RAB27A: variants seen among roughly 807,000 people sequenced by gnomAD.
RAB27A encodes the protein ras-related protein Rab-27A.
A neutral mutation model predicts 20.8 loss-of-function variants in RAB27A; 17 were observed. The observed-to-expected ratio is 0.82, with a 90% CI of 0.56 to 1.23. The LOEUF (loss-of-function observed/expected upper bound fraction) is 1.23, where lower values mean the gene tolerates loss of function less well. RAB27A is among the 50% of genes most tolerant of loss of function. The pLI is 0.00. For missense variants in RAB27A, 277 were observed against 266.7 expected (o/e 1.04, Z -0.27); for synonymous variants, 85 against 92.8 (o/e 0.92, Z 0.48).
intron 6 of RAB27A, among the ~76,000 whole-genome samples, chr15:55,214,598 G>A (rs1043614254): frequency 6.6e-6 from 1 of 152,104 alleles, no homozygotes; most frequent in Non-Finnish European, 1.5e-5. Flanking sequence ...ATCTTAATCA[G>A]AAAAAAGTTT....
At chr15:55,282,217 A>C (rs556595344) in intron 1 of RAB27A, among the ~76,000 whole-genome samples, 1 of 152,364 alleles carries the variant, frequency 6.6e-6, no homozygotes, top group Admixed American at 6.5e-5. Context: ...GATTGTCCAC[A>C]GTACAACTGG....
At chr15:55,293,353 C>T (rs2054933026), upstream of RAB27A, among the ~76,000 whole-genome samples, 1 of 151,546 alleles carries the variant, frequency 6.6e-6, no homozygotes, top group African/African-American at 2.4e-5. Flanking sequence ...GAACCAATTA[C>T]ATAATATTAT....
intron 2 of RAB27A, among the ~76,000 whole-genome samples, chr15:55,253,309 C>T (rs1354257808): frequency 6.7e-6 from 1 of 149,892 alleles, no homozygotes; most frequent in Non-Finnish European, 1.5e-5. Flanking sequence ...TAGCCGGGCA[C>T]GGTGGCGGGT....
intron 2 of RAB27A, among the ~76,000 whole-genome samples, chr15:55,307,654 G>C (rs918704273): frequency 3.3e-5 from 5 of 151,386 alleles, no homozygotes; most frequent in African/African-American, 1.2e-4. Flanking sequence ...ACAGGGGAAG[G>C]CCTCTGCCCA....
At chr15:55,301,997 G>A (rs2054974186) in intron 2 of RAB27A, among the ~76,000 whole-genome samples, 3 of 151,844 alleles carry the variant, frequency 2.0e-5, no homozygotes, top group Non-Finnish European at 4.4e-5. Context: ...TGGCCAATAT[G>A]GTGAACCTGT....
chr15:55,316,644 C>A (rs1235539194), intron 1 of RAB27A, among the ~76,000 whole-genome samples: 1 of 151,202 alleles, frequency 6.6e-6, no homozygotes, highest in Non-Finnish European at 1.5e-5. Context: ...AAAAGTAATA[C>A]CAATTCTTAG....
intron 1 of RAB27A, among the ~76,000 whole-genome samples, chr15:55,285,250 T>C (rs1173947847): frequency 7.3e-6 from 1 of 136,756 alleles, no homozygotes; most frequent in Non-Finnish European, 1.5e-5. Flanking sequence ...GTTGGCTGAC[T>C]AAAGCACTAC....
At chr15:55,241,600 T>TTCTACATATATATATATATATATA (rs1388634936) in intron 2 of RAB27A, among the ~76,000 whole-genome samples, 1 of 123,896 alleles carries the variant, frequency 8.1e-6, no homozygotes, top group African/African-American at 4.3e-5. Context: ...CAAGACCTAT[T>TTCTACATATATATATATATATATA]TATATATATA....
intron 6 of RAB27A, among the ~76,000 whole-genome samples, chr15:55,217,740 T>C (rs1895378425): frequency 6.9e-6 from 1 of 145,124 alleles, no homozygotes; most frequent in Non-Finnish European, 1.5e-5. Context: ...GAAAGAGTGC[T>C]ATTGTTCCTT....
intron 1 of RAB27A, among the ~76,000 whole-genome samples, chr15:55,274,794 T>TAATATATATATA (rs1897805753): frequency 1.9e-5 from 1 of 52,172 alleles, no homozygotes; most frequent in Non-Finnish European, 4.3e-5. Context: ...AATAAATAAA[T>TAATATATATATA]TATATATATA....
chr15:55,211,901 G>A (rs531003163), intron 6 of RAB27A, among the ~76,000 whole-genome samples: 2 of 151,142 alleles, frequency 1.3e-5, no homozygotes, highest in South Asian at 4.2e-4. Context: ...AAAAAAACTG[G>A]GTAAATTCAA....
chr15:55,222,299 A>G (rs1463875324), intron 6 of RAB27A, among the ~76,000 whole-genome samples: 1 of 152,206 alleles, frequency 6.6e-6, no homozygotes, highest in Non-Finnish European at 1.5e-5. Context: ...AGTGGATGGG[A>G]ATCCTTCAGC....
chr15:55,212,223 A>T (rs1424505232), intron 6 of RAB27A, among the ~76,000 whole-genome samples: 1 of 152,240 alleles, frequency 6.6e-6, no homozygotes, highest in Non-Finnish European at 1.5e-5. Flanking sequence ...AGGCTGAGAA[A>T]GATGAAAGGA....
intron 2 of RAB27A, among the ~76,000 whole-genome samples, chr15:55,238,753 A>C (rs1261387694): frequency 6.6e-6 from 1 of 152,196 alleles, no homozygotes. Flanking sequence ...AACAAAGATC[A>C]CTTTCAAATA....
intron 1 of RAB27A, among the ~76,000 whole-genome samples, chr15:55,316,621 T>C (rs2055045467): frequency 6.6e-6 from 1 of 151,562 alleles, no homozygotes; most frequent in African/African-American, 2.4e-5. Flanking sequence ...AATACAAACT[T>C]AACGCTAGAG....
chr15:55,244,295 A>G (rs1038117912), intron 2 of RAB27A, among the ~76,000 whole-genome samples: 1 of 152,072 alleles, frequency 6.6e-6, no homozygotes. Context: ...GGCCTGGGAG[A>G]CAGAGGGAGA....
intron 2 of RAB27A, among the ~76,000 whole-genome samples, chr15:55,250,277 T>G (rs1595715720): frequency 6.6e-6 from 1 of 152,108 alleles, no homozygotes; most frequent in Admixed American, 6.6e-5. Context: ...TTCTATTATG[T>G]TTTTTAAAAA....
At chr15:55,284,768 T>A (rs554382612) in intron 1 of RAB27A, among the ~76,000 whole-genome samples, 1 of 152,366 alleles carries the variant, frequency 6.6e-6, no homozygotes, top group South Asian at 2.1e-4. Flanking sequence ...AGAGTCCCAC[T>A]TCCAGCTCTG....
intron 1 of RAB27A, chr15:55,317,727 T>G: frequency 2.5e-6 from 1 of 398,640 alleles, no homozygotes; most frequent in Non-Finnish European, 4.4e-6. Flanking sequence ...GAAAAATATA[T>G]ACTCCTCCAG....
Sources: allele counts gnomAD v4.1 joint callset (sites outside exome capture counted in the v4.1 genomes callset), GRCh38; gene constraint gnomAD v4.1.1; transcripts MANE v1.5; gene names NCBI Gene and HGNC (gene_info 2026-07-23, HGNC 2026-07-21).